Variants in SYN2 observed in about 807,000 individuals in gnomAD.
SYN2 encodes synapsin-2.
SYN2 carries 19 observed loss-of-function variants against 50.9 expected under a neutral mutation model. The observed-to-expected ratio is 0.37, with a 90% confidence interval of 0.26 to 0.55. The LOEUF (loss-of-function observed/expected upper bound fraction) is 0.55. Ranked by LOEUF, SYN2 falls within the 20% of genes least tolerant of loss-of-function variation. The pLI is 0.81. For missense variants in SYN2, 587 were observed against 576.4 expected, an observed-to-expected ratio of 1.02 and a Z score of -0.19; for synonymous variants, 255 against 224.9, an observed-to-expected ratio of 1.13 and a Z score of -1.20.
chr3:12,107,942 G>C (rs1696231605), intron 1 of SYN2, among the ~76,000 whole-genome samples: 1 of 152,170 alleles, frequency 6.6e-6, no homozygotes, highest in South Asian at 2.1e-4. Context: ...CGTGCATGGT[G>C]GTTTATGCCT....
At position 12,187,602 on chromosome 3, in the gene SYN2, C is replaced by T. The variant is rs375701124; in HGVS notation, c.1603C>T (p.Pro535Ser). The T allele has an allele frequency of 1.9e-6, 3 of 1,548,988 alleles. No homozygotes were observed. The highest frequency in any genetic ancestry group is 2.4e-5 in the South Asian group (2 of 83,916). The change falls in exon 12 of 13, where the codon CCA (proline) becomes TCA (serine). Residue 535 changes from proline (P) to serine (S), a missense_variant. Transcript: ENST00000621198. Reference protein sequence around the residue: ...AAPPQKPQPHPQLNKSQSLTN... With the variant: ...AAPPQKPQPHSQLNKSQSLTN... ...TCCACCACAGAAGCCCCAGCCTCAC[C>T]CACAGCTCAAGTAAGAGACAACTCA...
At chr3:12,034,679 T>A (rs1368934701) in intron 1 of SYN2, among the ~76,000 whole-genome samples, 1 of 152,144 alleles carries the variant, frequency 6.6e-6, no homozygotes, top group Admixed American at 6.5e-5. Context: ...AGGAACCTAC[T>A]ACTGCAGCAA....
intron 10 of SYN2, among the ~76,000 whole-genome samples, chr3:12,179,896 C>T (rs1698184586): frequency 6.6e-6 from 1 of 152,154 alleles, no homozygotes; most frequent in African/African-American, 2.4e-5. Flanking sequence ...CAGACTGACA[C>T]CCTTTGAGCC....
intron 7 of SYN2, chr3:12,165,755 T>C (rs767036777): frequency 6.6e-6 from 1 of 152,214 alleles, no homozygotes; most frequent in Non-Finnish European, 1.5e-5. Flanking sequence ...TTGTAAACCA[T>C]GAATGTTAAG....
At chr3:12,153,504 A>G in intron 5 of SYN2, 2 of 1,612,768 alleles carry the variant, frequency 1.2e-6, no homozygotes, top group South Asian at 2.2e-5. Flanking sequence ...TGTGATGGTC[A>G]CTGGTCCCTA....
At chr3:12,162,859 A>C (rs1468224335) in intron 7 of SYN2, among the ~76,000 whole-genome samples, 2 of 152,236 alleles carry the variant, frequency 1.3e-5, no homozygotes, top group Admixed American at 6.5e-5. Context: ...GTAAAGGAAA[A>C]GATTTCAAAA....
intron 1 of SYN2, among the ~76,000 whole-genome samples, chr3:12,005,829 A>C (rs1693791265): frequency 6.6e-6 from 1 of 152,052 alleles, no homozygotes; most frequent in Admixed American, 6.5e-5. Context: ...CTGCTTGGTA[A>C]AAGTACGAAT....
intron 1 of SYN2, among the ~76,000 whole-genome samples, chr3:12,109,588 T>A (rs1696271469): frequency 6.6e-6 from 1 of 152,102 alleles, no homozygotes; most frequent in African/African-American, 2.4e-5. Context: ...TAAATGTGAG[T>A]TCTCTTTTCA....
intron 10 of SYN2, among the ~76,000 whole-genome samples, chr3:12,179,427 C>A (rs934619929): frequency 6.7e-6 from 1 of 149,298 alleles, no homozygotes. Flanking sequence ...AGCCTAGAGC[C>A]AGAAGGGCCT....
At position 12,190,787 on chromosome 3, in the gene SYN2, C is replaced by G. The variant is rs1698431190; in HGVS notation, c.*162C>G. ...TGATGTTGTGCAGCCCAGAAAGGACCATTTGACAGTCTCAGGGCAGGTGCC... is the reference window on the plus strand; with the variant it reads ...TGATGTTGTGCAGCCCAGAAAGGACGATTTGACAGTCTCAGGGCAGGTGCC... On this transcript the variant is annotated 3_prime_UTR_variant, in exon 13 of 13. Transcript: ENST00000621198. 4 of 1,387,368 alleles carry G rather than the reference C, an allele frequency of 2.9e-6. No individual in the cohort carries two copies. Among genetic ancestry groups the G allele is most frequent in the Non-Finnish European group, 3.7e-6 (4 of 1,078,188 alleles). 85.9% of individuals were successfully genotyped at this position (1,387,368 alleles called of 1,614,324 possible).
intron 10 of SYN2, among the ~76,000 whole-genome samples, chr3:12,182,626 G>C (rs1453869498): frequency 6.6e-6 from 1 of 152,194 alleles, no homozygotes; most frequent in African/African-American, 2.4e-5. Flanking sequence ...TTCCCTCTAA[G>C]GTAAGGAGGG....
chr3:12,014,677 C>CCT (rs1388653060), intron 1 of SYN2, among the ~76,000 whole-genome samples: 1 of 152,176 alleles, frequency 6.6e-6, no homozygotes, highest in African/African-American at 2.4e-5. Flanking sequence ...GAAACTCCAA[C>CCT]CTCAGGCCAC....
intron 1 of SYN2, among the ~76,000 whole-genome samples, chr3:12,097,389 G>A (rs366270): frequency 0.64 from 96,588 of 151,810 alleles, 33,320 homozygotes; most frequent in South Asian, 0.78. Flanking sequence ...GGTGGATAAC[G>A]AGGTCAGGAG....
chr3:12,025,878 C>G (rs1694248114), intron 1 of SYN2, among the ~76,000 whole-genome samples: 1 of 152,222 alleles, frequency 6.6e-6, no homozygotes, highest in Admixed American at 6.5e-5. Context: ...TCCTCTCCTC[C>G]AGCTGGCAAG....
At chr3:12,021,045 T>TA (rs1362793238) in intron 1 of SYN2, among the ~76,000 whole-genome samples, 1 of 152,246 alleles carries the variant, frequency 6.6e-6, no homozygotes, top group Non-Finnish European at 1.5e-5. Context: ...GTACTCTAGC[T>TA]ATAACTTCAT....
chr3:12,141,033 G>A (rs181744607), intron 2 of SYN2, among the ~76,000 whole-genome samples: 2 of 152,178 alleles, frequency 1.3e-5, no homozygotes, highest in Non-Finnish European at 2.9e-5. Flanking sequence ...AATATTGCAC[G>A]TTACCTCCGT....
chr3:12,041,792 T>A (rs144601671), intron 1 of SYN2, among the ~76,000 whole-genome samples: 227 of 152,362 alleles, frequency 1.5e-3, no homozygotes, highest in South Asian at 2.7e-3. Flanking sequence ...CTTTGAAATT[T>A]GTTATATCCG....
intron 1 of SYN2, among the ~76,000 whole-genome samples, chr3:12,133,684 T>G (rs1411348010): frequency 1.3e-5 from 2 of 152,220 alleles, no homozygotes; most frequent in Non-Finnish European, 2.9e-5. Flanking sequence ...CACTGATTCA[T>G]TCCCTTCAGT....
At chr3:12,131,370 C>A (rs1407635253) in intron 1 of SYN2, among the ~76,000 whole-genome samples, 1 of 152,220 alleles carries the variant, frequency 6.6e-6, no homozygotes, top group Non-Finnish European at 1.5e-5. Context: ...CGTGACCGTA[C>A]AGTGGAGGTA....
Sources: allele counts gnomAD v4.1 joint callset (sites outside exome capture counted in the v4.1 genomes callset), GRCh38; gene constraint gnomAD v4.1.1; transcripts MANE v1.5; gene names NCBI Gene and HGNC (gene_info 2026-07-23, HGNC 2026-07-21).